Variants in ASTN1 observed in about 807,000 individuals in gnomAD.
The protein encoded by ASTN1 is astrotactin-1.
A neutral mutation model predicts 140.7 loss-of-function variants in ASTN1; 41 were observed. That is an observed-to-expected ratio of 0.29 (90% CI 0.23 to 0.38). The LOEUF is 0.38. ASTN1 is among the 10% of genes least tolerant of loss of function. ASTN1 has a pLI of 1.00. For missense variants in ASTN1, 1,479 were observed against 1,678.8 expected, an observed-to-expected ratio of 0.88 and a Z score of 2.08; for synonymous variants, 640 against 652.2, an observed-to-expected ratio of 0.98 and a Z score of 0.29.
intron 1 of ASTN1, among the ~76,000 whole-genome samples, chr1:177,101,520 G>A (rs1341074255): frequency 2.0e-5 from 3 of 152,216 alleles, no homozygotes; most frequent in African/African-American, 7.2e-5. Flanking sequence ...AACCTATGGT[G>A]TTCAAGTTAC....
intron 6 of ASTN1, among the ~76,000 whole-genome samples, chr1:177,024,171 G>A (rs967259650): frequency 6.6e-6 from 1 of 152,180 alleles, no homozygotes; most frequent in African/African-American, 2.4e-5. Flanking sequence ...GCAAGTTACT[G>A]CAATTAGGAA....
chr1:177,081,697 G>A (rs113181403), intron 1 of ASTN1, among the ~76,000 whole-genome samples: 48 of 152,262 alleles, frequency 3.2e-4, no homozygotes, highest in African/African-American at 1.0e-3. Context: ...TAGGTTGTAC[G>A]AAGATGGGGA....
At chr1:177,002,556 T>C (rs1463982799) in intron 8 of ASTN1, among the ~76,000 whole-genome samples, 1 of 152,194 alleles carries the variant, frequency 6.6e-6, no homozygotes, top group Non-Finnish European at 1.5e-5. Context: ...TTTTGCTGTT[T>C]TGTTTTTTTC....
intron 1 of ASTN1, among the ~76,000 whole-genome samples, chr1:177,100,135 C>G (rs1298865531): frequency 6.6e-6 from 1 of 152,074 alleles, no homozygotes. Context: ...CTACTATAAA[C>G]CCCCTAGTGC....
Position 176,914,492 on chromosome 1 carries a change from T to A in ASTN1, c.2671+19660A>T, listed in dbSNP as rs16850386. Among the ~76,000 whole-genome samples the A allele has an allele frequency of 2.2e-3, 333 of 152,320 alleles. 4 individuals carry two copies. The highest frequency in any genetic ancestry group is 7.8e-3 in the African/African-American group (323 of 41,562). ...GCTTAACTCTGTGTTATGGAGGTTTTAACTGGATAAAGAATAAGCATTAAT... is the reference window on the plus strand; with the variant it reads ...GCTTAACTCTGTGTTATGGAGGTTTAAACTGGATAAAGAATAAGCATTAAT... On this transcript the variant is annotated intron_variant, in intron 16 of 22. Transcript: ENST00000361833.
chr1:177,121,292 G>A (rs1403776277), intron 1 of ASTN1, among the ~76,000 whole-genome samples: 2 of 152,056 alleles, frequency 1.3e-5, no homozygotes, highest in Non-Finnish European at 2.9e-5. Context: ...CTGTGACCTT[G>A]AACAAGTGAT....
At chr1:177,126,764 T>C (rs1681673425) in intron 1 of ASTN1, among the ~76,000 whole-genome samples, 1 of 152,198 alleles carries the variant, frequency 6.6e-6, no homozygotes, top group Non-Finnish European at 1.5e-5. Flanking sequence ...CTGCTCATTC[T>C]CTTCATTTTT....
chr1:176,934,152 C>T lies in ASTN1; in HGVS notation c.2671G>A (p.Gly891Ser), dbSNP rs1671331073. ...ATTTGCCAACAAGCATGCCACTCACCTTTACTGATGTCTTCATACTCCAGC... is the reference window on the plus strand; with the variant it reads ...ATTTGCCAACAAGCATGCCACTCACTTTTACTGATGTCTTCATACTCCAGC... The part of the protein sequence containing the change: ...LWLEYEDISK[G>S]NSPSDESEER... Residue 891 changes from glycine (G) to serine (S), a missense_variant and splice_region_variant, in exon 16 of 23, where the codon GGC (glycine) becomes AGC (serine). Gly to Ser is a moderately conservative substitution (Grantham distance 56). Coordinates refer to ENST00000361833, the MANE Select transcript of ASTN1 (RefSeq NM_004319.3). The T allele has an allele frequency of 1.2e-6, 2 of 1,606,348 alleles. No individual in the cohort carries two copies. Among genetic ancestry groups the T allele is most frequent in the South Asian group, 1.1e-5 (1 of 90,740 alleles).
At chr1:177,120,090 T>C (rs111397391) in intron 1 of ASTN1, among the ~76,000 whole-genome samples, 2,614 of 152,288 alleles carry the variant, frequency 0.017, 70 homozygotes, top group African/African-American at 0.059. Context: ...CTACACAAAA[T>C]GAAACCACAA....
chr1:176,986,147 C>T (rs1673895981), intron 8 of ASTN1, among the ~76,000 whole-genome samples: 1 of 152,192 alleles, frequency 6.6e-6, no homozygotes, highest in Non-Finnish European at 1.5e-5. Flanking sequence ...GACTCATCTT[C>T]AGCCCATTTC....
intron 1 of ASTN1, among the ~76,000 whole-genome samples, chr1:177,118,027 T>C (rs975289437): frequency 1.3e-5 from 2 of 152,220 alleles, no homozygotes; most frequent in African/African-American, 4.8e-5. Context: ...TTTGTATGTA[T>C]AGCAATTGCT....
chr1:177,138,941 A>G (rs1448409872), intron 1 of ASTN1, among the ~76,000 whole-genome samples: 1 of 152,246 alleles, frequency 6.6e-6, no homozygotes, highest in Non-Finnish European at 1.5e-5. Context: ...GTCATTTAAA[A>G]TAAGTGGTGG....
At chr1:176,896,732 G>A (rs1378589272) in intron 16 of ASTN1, among the ~76,000 whole-genome samples, 1 of 152,112 alleles carries the variant, frequency 6.6e-6, no homozygotes, top group African/African-American at 2.4e-5. Context: ...TTATGAAGTC[G>A]ATGAGTTGTA....
chr1:177,119,339 C>G (rs183808595), intron 1 of ASTN1, among the ~76,000 whole-genome samples: 35 of 152,322 alleles, frequency 2.3e-4, no homozygotes, highest in African/African-American at 8.4e-4. Context: ...GCATTTGCTA[C>G]TGAATTCACA....
At position 176,862,105 on chromosome 1, in the gene ASTN1, TCA is replaced by T; in HGVS notation, c.*2177_*2178del. On this transcript the variant is annotated 3_prime_UTR_variant, in exon 23 of 23. Coordinates refer to ENST00000361833, the MANE Select transcript of ASTN1 (RefSeq NM_004319.3). The stretch of plus-strand genomic sequence containing the variant: ...CTCTGGGCCCTGTCTGATTGGCCTG[TCA>T]CATCTTCTCTGGCAATGGTGAAATA... 1 of 985,446 alleles carries T rather than the reference TCA, an allele frequency of 1.0e-6. No homozygotes were observed. The highest frequency in any genetic ancestry group is 1.2e-6 in the Non-Finnish European group (1 of 829,938). The allele number at this position is 985,446 out of a possible 1,614,324, so 61.0% of individuals were successfully genotyped here. A position where few individuals can be genotyped will look rare whatever the true frequency, so the allele number is the denominator to read the frequency against.
chr1:176,902,136 G>A (rs1215117978), intron 16 of ASTN1, among the ~76,000 whole-genome samples: 1 of 151,966 alleles, frequency 6.6e-6, no homozygotes, highest in African/African-American at 2.4e-5. Context: ...GTCATTAACT[G>A]GAATGTTCGA....
At chr1:176,951,880 A>G (rs1429906557) in intron 11 of ASTN1, among the ~76,000 whole-genome samples, 2 of 152,232 alleles carry the variant, frequency 1.3e-5, no homozygotes, top group Admixed American at 1.3e-4. Context: ...AGAATGGTCT[A>G]CATATGTTAT....
At chr1:176,921,675 T>C (rs555413800) in intron 16 of ASTN1, among the ~76,000 whole-genome samples, 3 of 152,328 alleles carry the variant, frequency 2.0e-5, no homozygotes. Context: ...GTTTAATCAC[T>C]TGGTTTTTAT....
chr1:177,154,722 G>T (rs557797609), intron 1 of ASTN1, among the ~76,000 whole-genome samples: 1 of 151,814 alleles, frequency 6.6e-6, no homozygotes, highest in Admixed American at 6.6e-5. Context: ...TTCCTATGGG[G>T]AACAGTGAGT....
Sources: gnomAD v4.1 joint callset for allele counts (sites outside exome capture counted in the v4.1 genomes callset) on GRCh38, gnomAD v4.1.1 for gene constraint, MANE v1.5 for transcripts, NCBI Gene and HGNC (gene_info 2026-07-23, HGNC 2026-07-21) for gene names.